The following EXOC6 variants were observed in gnomAD, a reference collection of about 807,000 sequenced individuals.
The protein encoded by EXOC6 is exocyst complex component 6, also known as SEC15-like 1.
In EXOC6, 60 loss-of-function variants were observed where a neutral mutation model predicts 112.5. The ratio of observed to expected loss-of-function variants is 0.53; its 90% CI spans 0.43 to 0.66. The LOEUF is 0.66. Ranked by LOEUF, EXOC6 falls within the 30% of genes least tolerant of loss-of-function variation. The pLI, the probability that EXOC6 is intolerant of heterozygous loss-of-function variation, is 0.00. For synonymous variants in EXOC6, 295 were observed against 308.0 expected (o/e 0.96, Z 0.44); for missense variants, 855 against 957.1 (o/e 0.89, Z 1.41).
chr10:92,942,126 T>A (rs1246883920), intron 13 of EXOC6, among the ~76,000 whole-genome samples: 1 of 152,126 alleles, frequency 6.6e-6, no homozygotes, highest in Admixed American at 6.6e-5. Flanking sequence ...TGAGGTGGCT[T>A]ATGCCTGTAA....
At chr10:93,043,957 A>C (rs1224321073) in intron 20 of EXOC6, among the ~76,000 whole-genome samples, 3 of 152,194 alleles carry the variant, frequency 2.0e-5, no homozygotes, top group Admixed American at 2.0e-4. Flanking sequence ...TCATGTGGCT[A>C]CCTGCACTGG....
At chr10:93,044,481 G>T (rs1388092428) in intron 20 of EXOC6, among the ~76,000 whole-genome samples, 1 of 152,100 alleles carries the variant, frequency 6.6e-6, no homozygotes, top group Non-Finnish European at 1.5e-5. Flanking sequence ...AGACCACAGA[G>T]ATCCTTAGTT....
chr10:92,828,635 G>GTTTTT (rs11361269), intron 1 of EXOC6, among the ~76,000 whole-genome samples: 1 of 127,160 alleles, frequency 7.9e-6, no homozygotes, highest in African/African-American at 3.1e-5. Flanking sequence ...TGCCCCGCCA[G>GTTTTT]TTTTTTTTTT....
chr10:92,946,914 C>T (rs1025700888), intron 13 of EXOC6, among the ~76,000 whole-genome samples: 5 of 152,110 alleles, frequency 3.3e-5, no homozygotes, highest in Non-Finnish European at 7.4e-5. Context: ...TGTCCTGTTT[C>T]TGAACCTTGT....
chr10:92,934,349 A>G lies in EXOC6; in HGVS notation c.1059A>G (p.Gln353=), dbSNP rs1334467934. ...AAGATCACATTTTACATGTGACCCA[A>G]GGATTAGTAACCAGGGCATACACTG... The part of the protein sequence containing the change: ...VVEDHILHVT[Q]GLVTRAYTDE... The change falls in exon 11 of 22, where the codon CAA becomes CAG. Residue 353 remains glutamine, a synonymous_variant. Coordinates refer to ENST00000260762, the MANE Select transcript of EXOC6 (RefSeq NM_019053.6). 1.9e-6 allele frequency: 3 copies of G among 1,601,922 alleles called. No individual in the cohort carries two copies. In the South Asian group the frequency reaches 3.4e-5, roughly 18 times the overall value.
intron 12 of EXOC6, among the ~76,000 whole-genome samples, chr10:92,940,475 C>T (rs1018894265): frequency 6.6e-6 from 1 of 152,112 alleles, no homozygotes; most frequent in Non-Finnish European, 1.5e-5. Context: ...AAGGCTAACA[C>T]TGTAATCATT....
chr10:92,927,093 T>C (rs560932303), intron 8 of EXOC6, among the ~76,000 whole-genome samples: 4 of 152,348 alleles, frequency 2.6e-5, no homozygotes, highest in Non-Finnish European at 5.9e-5. Context: ...ATTTTAAGTT[T>C]ACTTTAGACA....
chr10:92,831,527 G>A (rs568449511), upstream of EXOC6, among the ~76,000 whole-genome samples: 15 of 151,970 alleles, frequency 9.9e-5, no homozygotes, highest in South Asian at 2.1e-4. Context: ...TCCACCTGCC[G>A]GGTTCAAGCA....
At chr10:93,050,028 A>G (rs1357939419) in intron 20 of EXOC6, among the ~76,000 whole-genome samples, 1 of 152,098 alleles carries the variant, frequency 6.6e-6, no homozygotes, top group Non-Finnish European at 1.5e-5. Context: ...TGTATGGTAC[A>G]TCTCAAAGCT....
chr10:92,860,255 A>G (rs987766922), intron 1 of EXOC6, among the ~76,000 whole-genome samples: 4 of 141,324 alleles, frequency 2.8e-5, no homozygotes, highest in Non-Finnish European at 4.5e-5. Context: ...ATTATCATCT[A>G]TCTCCACAAC....
At chr10:92,952,507 T>A in intron 15 of EXOC6, 125 bp downstream of exon 15, 1 of 678,924 alleles carries the variant, frequency 1.5e-6, no homozygotes, top group Non-Finnish European at 2.6e-6. Flanking sequence ...ATGTTTGTTA[T>A]AGGGGCATAT....
chr10:92,996,536 G>C (rs974200208), intron 18 of EXOC6, among the ~76,000 whole-genome samples: 2 of 150,936 alleles, frequency 1.3e-5, no homozygotes, highest in Non-Finnish European at 1.5e-5. Flanking sequence ...AGAATGGTGT[G>C]AACCCAGGAG....
intron 1 of EXOC6, among the ~76,000 whole-genome samples, chr10:92,860,051 G>C (rs1847832132): frequency 6.6e-6 from 1 of 152,100 alleles, no homozygotes; most frequent in Non-Finnish European, 1.5e-5. Flanking sequence ...ATAAGTGACA[G>C]AATGTTTTCA....
chr10:92,838,005 C>T (rs771356371), intron 1 of EXOC6, among the ~76,000 whole-genome samples: 1 of 152,170 alleles, frequency 6.6e-6, no homozygotes, highest in Non-Finnish European at 1.5e-5. Flanking sequence ...AGGTAGGCAA[C>T]CTGAGGTGGC....
chr10:92,992,206 T>C (rs1417771177), intron 18 of EXOC6, among the ~76,000 whole-genome samples: 9 of 149,304 alleles, frequency 6.0e-5, no homozygotes, highest in Admixed American at 5.5e-4. Context: ...TGAGAATTGC[T>C]TGAACCTGGG....
Position 92,848,540 on chromosome 10 carries a change from G to C in EXOC6, c.7G>C (p.Glu3Gln). 7.1e-7 allele frequency: 1 copy of C among 1,411,792 alleles called. No homozygotes were observed. Among genetic ancestry groups the C allele is most frequent in the Non-Finnish European group, 9.4e-7 (1 of 1,062,440 alleles). 87.5% of individuals were successfully genotyped at this position (1,411,792 alleles called of 1,614,324 possible). The change falls in exon 1 of 22, where the codon GAG (glutamate) becomes CAG (glutamine). Residue 3 changes from glutamate to glutamine, a missense_variant. Glu to Gln is a conservative substitution (Grantham distance 29). Around this residue, in one of 2 missense-constraint regions of EXOC6, gnomAD observed 405 missense variants for 393.6 expected, o/e 1.03. Coordinates refer to ENST00000260762, the MANE Select transcript of EXOC6 (RefSeq NM_019053.6). ...TCCTCAGCTTCCAGCCAAAATGGCG[G>C]AGAACAGCGAGAGTCTGGGCACCGT... MA[E>Q]NSESLGTVPE...
chr10:92,857,518 T>G (rs2133658663), intron 1 of EXOC6, among the ~76,000 whole-genome samples: 1 of 152,334 alleles, frequency 6.6e-6, no homozygotes, highest in South Asian at 2.1e-4. Flanking sequence ...CTGTTTCTGA[T>G]TCTTTTCATT....
intron 12 of EXOC6, among the ~76,000 whole-genome samples, chr10:92,940,359 T>C (rs572037116): frequency 9.7e-4 from 147 of 152,248 alleles, no homozygotes; most frequent in Middle Eastern, 6.8e-3. Context: ...TCAGACAGAA[T>C]CCATTCCCTT....
intron 13 of EXOC6, among the ~76,000 whole-genome samples, chr10:92,942,781 A>C (rs552411187): frequency 6.6e-6 from 1 of 152,252 alleles, no homozygotes; most frequent in East Asian, 1.9e-4. Context: ...TGGGCCAGCT[A>C]TTCTCTCTTA....
Sources: allele counts gnomAD v4.1 joint callset (sites outside exome capture counted in the v4.1 genomes callset), GRCh38; gene constraint gnomAD v4.1.1; regional missense constraint gnomAD v4.1.1; transcripts MANE v1.5; gene names NCBI Gene and HGNC (gene_info 2026-07-23, HGNC 2026-07-21).